The following NHS variants were observed in gnomAD, a reference collection of about 807,000 sequenced individuals.
The protein encoded by NHS is NHS actin remodeling regulator.
NHS carries 5 observed loss-of-function variants against 72.5 expected under a neutral mutation model. The ratio of observed to expected loss-of-function variants is 0.07; its 90% confidence interval spans 0.04 to 0.14. The LOEUF is 0.14. Ranked by LOEUF, NHS falls within the 10% of genes least tolerant of loss-of-function variation. The probability of loss-of-function intolerance (pLI) is 1.00; values close to 1 mark genes in which losing one functional copy is unlikely to be tolerated. For synonymous variants in NHS, 464 were observed against 547.7 expected (o/e 0.85, Z 2.13); for missense variants, 1,072 against 1,355.7 (o/e 0.79, Z 3.29).
chrX:17,625,064 A>G (rs894620296), intron 1 of NHS, among the ~76,000 whole-genome samples: 5 of 112,710 alleles, frequency 4.4e-5, no homozygotes, highest in African/African-American at 1.6e-4. Flanking sequence ...TCAACAAACA[A>G]TAATTACATA....
intron 1 of NHS, among the ~76,000 whole-genome samples, chrX:17,557,659 T>C (rs2065386969): frequency 9.0e-6 from 1 of 111,281 alleles, no homozygotes; most frequent in Admixed American, 9.5e-5. Context: ...GCTCCGGCTC[T>C]CACCGGCAGC....
intron 1 of NHS, among the ~76,000 whole-genome samples, chrX:17,442,732 A>G (rs1018928200): frequency 8.9e-6 from 1 of 112,639 alleles, no homozygotes. Context: ...GTAAAGTTAC[A>G]TAACTTCTCA....
At chrX:17,452,985 T>C (rs1025196696) in intron 1 of NHS, among the ~76,000 whole-genome samples, 3 of 112,230 alleles carry the variant, frequency 2.7e-5, no homozygotes, top group Non-Finnish European at 5.6e-5. Flanking sequence ...CACAAGCCTG[T>C]CTCTTTAATT....
intron 1 of NHS, among the ~76,000 whole-genome samples, chrX:17,667,939 A>AT (rs11461851): frequency 0.072 from 7,595 of 106,161 alleles, 704 homozygotes; most frequent in African/African-American, 0.25. Flanking sequence ...TCTGCCTCAC[A>AT]TTTTTTTTTC....
chrX:17,673,208 AC>A (rs2066059277), intron 1 of NHS, among the ~76,000 whole-genome samples: 1 of 103,726 alleles, frequency 9.6e-6, no homozygotes, highest in Non-Finnish European at 2.0e-5. Flanking sequence ...ACACACACAC[AC>A]ACACACACAC....
chrX:17,683,670 C>T (rs1033892303), intron 1 of NHS, among the ~76,000 whole-genome samples: 6 of 111,871 alleles, frequency 5.4e-5, no homozygotes, highest in African/African-American at 2.0e-4. Context: ...ATGGTTGGAG[C>T]TTCCCACAAG....
chrX:17,597,598 A>G (rs752588411), intron 1 of NHS, among the ~76,000 whole-genome samples: 1 of 110,842 alleles, frequency 9.0e-6, no homozygotes, highest in Admixed American at 9.6e-5. Flanking sequence ...TTGCCAAGCT[A>G]GAGGAGATTC....
chrX:17,441,212 TCCTGGTGCTCTGCA>T (rs1225520307), intron 1 of NHS, among the ~76,000 whole-genome samples: 14 of 112,588 alleles, frequency 1.2e-4, no homozygotes, highest in African/African-American at 4.5e-4. Flanking sequence ...TCCGTGCTGG[TCCTGGTGCTCTGCA>T]CCTACCATCC....
chrX:17,668,961 G>A (rs909817363), intron 1 of NHS, among the ~76,000 whole-genome samples: 3 of 111,617 alleles, frequency 2.7e-5, no homozygotes, highest in African/African-American at 9.8e-5. Flanking sequence ...TGTCAGAGGG[G>A]AAAAAATCAC....
At chrX:17,630,438 A>G (rs1370568047) in intron 1 of NHS, among the ~76,000 whole-genome samples, 1 of 108,992 alleles carries the variant, frequency 9.2e-6, no homozygotes, top group Non-Finnish European at 1.9e-5. Flanking sequence ...TGCCCTGCCT[A>G]CATCTCCTTT....
chrX:17,406,356 A>G (rs889370623), intron 1 of NHS, among the ~76,000 whole-genome samples: 1 of 111,373 alleles, frequency 9.0e-6, no homozygotes, highest in Non-Finnish European at 1.9e-5. Flanking sequence ...GGAGACTGGA[A>G]AATATGTCTC....
At chrX:17,538,424 G>A in intron 1 of NHS, among the ~76,000 whole-genome samples, 1 of 111,744 alleles carries the variant, frequency 8.9e-6, no homozygotes, top group East Asian at 2.8e-4. Context: ...CTAAAGAGTA[G>A]GCTCCCAGCG....
chrX:17,516,571 GCACA>G (rs765423925), intron 1 of NHS, among the ~76,000 whole-genome samples: 5,683 of 91,642 alleles, frequency 0.062, 318 homozygotes, highest in African/African-American at 0.18. Context: ...ACACACACGC[GCACA>G]CACACACACA....
intron 1 of NHS, among the ~76,000 whole-genome samples, chrX:17,444,086 C>T (rs919150780): frequency 8.9e-6 from 1 of 111,865 alleles, no homozygotes; most frequent in African/African-American, 3.3e-5. Context: ...TGGTGTCTTG[C>T]ACTTCCATTA....
intron 1 of NHS, among the ~76,000 whole-genome samples, chrX:17,531,114 C>G (rs1030501223): frequency 1.8e-5 from 2 of 111,574 alleles, no homozygotes; most frequent in Non-Finnish European, 3.8e-5. Context: ...GCCAGGCTAC[C>G]CTTGCCCCCT....
intron 1 of NHS, among the ~76,000 whole-genome samples, chrX:17,570,743 G>T (rs2065473553): frequency 9.0e-6 from 1 of 111,615 alleles, no homozygotes. Flanking sequence ...TCCTTGTCTT[G>T]TGCTGGTTTT....
chrX:17,446,474 A>G (rs1262211673), intron 1 of NHS, among the ~76,000 whole-genome samples: 2 of 109,308 alleles, frequency 1.8e-5, no homozygotes, highest in African/African-American at 3.3e-5. Flanking sequence ...TCCTGGCTCA[A>G]AAGCTCCCCT....
chrX:17,474,381 G>C (rs2146905075), intron 1 of NHS, among the ~76,000 whole-genome samples: 1 of 111,997 alleles, frequency 8.9e-6, no homozygotes, highest in Non-Finnish European at 1.9e-5. Flanking sequence ...GAAGAATTTA[G>C]TTTGTAAGTG....
intron 1 of NHS, among the ~76,000 whole-genome samples, chrX:17,595,718 C>G (rs976729893): frequency 2.7e-5 from 3 of 112,122 alleles, no homozygotes; most frequent in African/African-American, 9.7e-5. Context: ...GGGCTTTTTT[C>G]TTGCCTTTAG....
Sources: gnomAD v4.1 joint callset for allele counts (sites outside exome capture counted in the v4.1 genomes callset) on GRCh38, gnomAD v4.1.1 for gene constraint, MANE v1.5 for transcripts, NCBI Gene and HGNC (gene_info 2026-07-23, HGNC 2026-07-21) for gene names.